The following MBD5 variants were observed in gnomAD, a reference collection of about 807,000 sequenced individuals.
The protein encoded by MBD5 is methyl-CpG binding domain protein 5.
A neutral mutation model predicts 117.3 loss-of-function variants in MBD5; 13 were observed. That is an observed-to-expected ratio of 0.11 (90% confidence interval 0.07 to 0.18). The LOEUF (loss-of-function observed/expected upper bound fraction) is 0.18, where lower values mean the gene tolerates loss of function less well. Among genes scored for constraint, MBD5 ranks in the 10% least tolerant of loss-of-function variants. The pLI is 1.00. For missense variants in MBD5, 1,879 were observed against 2,093.8 expected, an observed-to-expected ratio of 0.90 and a Z score of 2.00; for synonymous variants, 727 against 766.4, an observed-to-expected ratio of 0.95 and a Z score of 0.85.
At chr2:148,231,295 A>G (rs903694026) in intron 2 of MBD5, among the ~76,000 whole-genome samples, 5 of 152,056 alleles carry the variant, frequency 3.3e-5, no homozygotes, top group Non-Finnish European at 7.4e-5. Context: ...TTGGGTGGAC[A>G]TCAGCTGTGT....
Position 148,398,742 on chromosome 2 carries a change from A to G in MBD5, c.-557+56406A>G, listed in dbSNP as rs533441065. 4.5e-4 allele frequency among the ~76,000 whole-genome samples: 69 copies of G among 152,230 alleles called. 1 individual carries two copies. The South Asian group carries it at 0.014, about 32-fold the overall frequency. ...AGTCCTTGCCCATGTCTATGTCCTG[A>G]ATGGTATTGCCTAGGTTTTCTTCTA... On this transcript the variant is annotated intron_variant, in intron 4 of 13. Coordinates refer to ENST00000642680, the MANE Select transcript of MBD5 (RefSeq NM_001378120.1).
chr2:148,404,948 T>A (rs765576369), intron 4 of MBD5, among the ~76,000 whole-genome samples: 58 of 152,178 alleles, frequency 3.8e-4, no homozygotes, highest in Non-Finnish European at 7.5e-4. Flanking sequence ...CAAGTAAAAG[T>A]CTTTTCCATA....
chr2:148,205,701 A>C (rs1421710999), intron 2 of MBD5, among the ~76,000 whole-genome samples: 2 of 152,136 alleles, frequency 1.3e-5, no homozygotes, highest in Non-Finnish European at 2.9e-5. Context: ...AAATAGGATA[A>C]ACAGTACCAA....
At chr2:148,477,911 T>G (rs897401624) in intron 8 of MBD5, among the ~76,000 whole-genome samples, 1 of 152,220 alleles carries the variant, frequency 6.6e-6, no homozygotes, top group Non-Finnish European at 1.5e-5. Context: ...TAAAGTAGTA[T>G]TTGTTCAAAA....
chr2:148,358,899 T>G (rs2105288775), intron 4 of MBD5, among the ~76,000 whole-genome samples: 2 of 152,338 alleles, frequency 1.3e-5, no homozygotes, highest in Middle Eastern at 6.8e-3. Flanking sequence ...TTCTATCACT[T>G]GATTTCAATG....
intron 4 of MBD5, among the ~76,000 whole-genome samples, chr2:148,438,539 A>G (rs1436884492): frequency 6.6e-6 from 1 of 152,206 alleles, no homozygotes; most frequent in Non-Finnish European, 1.5e-5. Context: ...AGTAAGAAGG[A>G]AGGATATTTG....
chr2:148,297,614 C>A (rs1701685342), intron 3 of MBD5, among the ~76,000 whole-genome samples: 1 of 152,100 alleles, frequency 6.6e-6, no homozygotes. Flanking sequence ...AATTTTGAGG[C>A]CATTCTTTGA....
intron 3 of MBD5, among the ~76,000 whole-genome samples, chr2:148,269,659 G>GT (rs1201591805): frequency 1.7e-5 from 2 of 114,576 alleles, no homozygotes; most frequent in African/African-American, 3.3e-5. Context: ...CTAATTGTGA[G>GT]TTTTTTTAGT....
rs1360392505 is a variant in MBD5 at position 148,468,712 on chromosome 2, T to C, written c.769T>C (p.Phe257Leu). 1 of 1,613,922 alleles carries C rather than the reference T, an allele frequency of 6.2e-7. No individual in the cohort carries two copies. The highest frequency in any genetic ancestry group is 2.2e-5 in the East Asian group (1 of 44,846). Residue 257 changes from phenylalanine to leucine, a missense_variant, in exon 8 of 14, where the codon TTT (phenylalanine) becomes CTT (leucine). Physicochemically the swap from Phe to Leu is conservative, Grantham distance 22. This residue lies in a region of MBD5 where 1,666 missense variants were observed against 1,792.2 expected (regional missense o/e 0.93). Transcript: ENST00000642680. ...PDVFTRSNPG[F>L]HGAPNSSPIH... Reference sequence around the variant, plus strand: ...TGTTTTCACAAGAAGTAATCCTGGTTTTCATGGAGCTCCCAATTCTAGTCC... The same window carrying C: ...TGTTTTCACAAGAAGTAATCCTGGTCTTCATGGAGCTCCCAATTCTAGTCC...
chr2:148,333,048 A>G (rs1490771248), intron 3 of MBD5, among the ~76,000 whole-genome samples: 1 of 152,056 alleles, frequency 6.6e-6, no homozygotes, highest in African/African-American at 2.4e-5. Context: ...TCTCAGCAGT[A>G]CTTTCTTGTT....
chr2:148,051,965 C>T (rs974316784), intron 1 of MBD5, among the ~76,000 whole-genome samples: 1 of 151,802 alleles, frequency 6.6e-6, no homozygotes, highest in Non-Finnish European at 1.5e-5. Flanking sequence ...GCCAGTGAAG[C>T]CATCTAGTCC....
intron 2 of MBD5, among the ~76,000 whole-genome samples, chr2:148,194,835 C>G (rs956759254): frequency 3.3e-5 from 5 of 150,844 alleles, no homozygotes; most frequent in African/African-American, 1.2e-4. Context: ...TAGCAAGGTG[C>G]TAAACTTAGA....
At chr2:148,465,026 T>G (rs1707216521) in intron 7 of MBD5, among the ~76,000 whole-genome samples, 1 of 152,062 alleles carries the variant, frequency 6.6e-6, no homozygotes, top group East Asian at 1.9e-4. Context: ...AATCAAAGAT[T>G]GTACACTGCA....
Position 148,490,310 on chromosome 2 carries a change from A to T in MBD5, c.4678A>T (p.Asn1560Tyr). The T allele has an allele frequency of 6.2e-7, 1 of 1,614,182 alleles. No individual in the cohort carries two copies. The highest frequency in any genetic ancestry group is 8.5e-7 in the Non-Finnish European group (1 of 1,180,036). ...QSPSSSNSLENSLVKDYIHYN... is the reference protein window; with the variant it reads ...QSPSSSNSLEYSLVKDYIHYN... Reference sequence around the variant, plus strand: ...TCCAAGTTCCTCAAATAGTTTGGAAAATTCTCTGGTCAAAGACTACATCCA... The same window carrying T: ...TCCAAGTTCCTCAAATAGTTTGGAATATTCTCTGGTCAAAGACTACATCCA... Residue 1560 changes from asparagine to tyrosine, a missense_variant, in exon 11 of 14, where the codon AAT becomes TAT. By Grantham distance (143) the Asn-to-Tyr change is moderately radical (BLOSUM62 -2). Around this residue, in one of 4 missense-constraint regions of MBD5, gnomAD observed 1,666 missense variants for 1,792.2 expected, o/e 0.93. Coordinates refer to ENST00000642680, the MANE Select transcript of MBD5 (RefSeq NM_001378120.1).
At chr2:148,139,788 G>T (rs1488991333) in intron 1 of MBD5, among the ~76,000 whole-genome samples, 1 of 152,110 alleles carries the variant, frequency 6.6e-6, no homozygotes, top group African/African-American at 2.4e-5. Flanking sequence ...ACGTACTGGT[G>T]CATCTCTGAG....
In MBD5 at chr2:148,490,441, C is replaced by A. The variant is rs1681487534; in HGVS notation, c.4809C>A (p.Pro1603=). The A allele has an allele frequency of 1.2e-6, 2 of 1,614,082 alleles. No individual in the cohort carries two copies. The highest frequency in any genetic ancestry group is 1.7e-5 in the Admixed American group (1 of 60,012). The change falls in exon 11 of 14, where the codon CCC becomes CCA. Residue 1603 remains proline, a synonymous_variant. Transcript: ENST00000642680. The stretch of plus-strand genomic sequence containing the variant: ...ATGACCTAAGGAACCCAGACTCCCC[C>A]TCTTCAAATGAATTGATACATTATA... ...SEDDLRNPDS[P]SSNELIHYRP...
chr2:148,340,837 TACAC>T (rs141965837), intron 3 of MBD5, among the ~76,000 whole-genome samples: 14,412 of 142,162 alleles, frequency 0.1, 816 homozygotes, highest in African/African-American at 0.17. Flanking sequence ...AAACCACACA[TACAC>T]ACACACACAC....
At chr2:148,033,146 A>G (rs1340459366) in intron 1 of MBD5, among the ~76,000 whole-genome samples, 2 of 152,208 alleles carry the variant, frequency 1.3e-5, no homozygotes, top group African/African-American at 4.8e-5. Context: ...GAGTAGAAGT[A>G]TCACATTCAT....
chr2:148,345,614 TACAC>T (rs1703102726), intron 4 of MBD5, among the ~76,000 whole-genome samples: 1 of 114,102 alleles, frequency 8.8e-6, no homozygotes, highest in Non-Finnish European at 2.1e-5. Context: ...CATATGTATA[TACAC>T]GTATACACAT....
Sources: gnomAD v4.1 joint callset for allele counts (sites outside exome capture counted in the v4.1 genomes callset) on GRCh38, gnomAD v4.1.1 for gene constraint, gnomAD v4.1.1 regional missense constraint, MANE v1.5 for transcripts, NCBI Gene and HGNC (gene_info 2026-07-23, HGNC 2026-07-21) for gene names.